Variants in DPP6 observed in about 807,000 individuals in gnomAD.
DPP6 encodes the protein dipeptidyl peptidase like 6.
DPP6 carries 69 observed loss-of-function variants against 122.6 expected under a neutral mutation model. That is an observed-to-expected ratio of 0.56 (90% CI 0.46 to 0.69). The LOEUF is 0.69. DPP6 is among the 30% of genes least tolerant of loss of function. The pLI, the probability that DPP6 is intolerant of heterozygous loss-of-function variation, is 0.00. For missense variants in DPP6, 928 were observed against 1,116.9 expected (o/e 0.83, Z 2.41); for synonymous variants, 418 against 433.1 (o/e 0.97, Z 0.43).
At chr7:153,819,972 A>G in the DPP6 span, among the ~76,000 whole-genome samples, 865 of 152,236 alleles carry the variant, frequency 5.7e-3, 6 homozygotes, top group African/African-American at 0.019. Context: ...AGCTAGGAAC[A>G]TTTTTCTTCA....
At chr7:154,590,273 G>A (rs543438371) in intron 5 of DPP6, among the ~76,000 whole-genome samples, 1 of 152,228 alleles carries the variant, frequency 6.6e-6, no homozygotes, top group South Asian at 2.1e-4. Context: ...TTGGGGTAGA[G>A]ATGATGCAAA....
intron 1 of DPP6, among the ~76,000 whole-genome samples, chr7:154,331,879 C>G (rs1245690609): frequency 6.6e-6 from 1 of 152,164 alleles, no homozygotes; most frequent in African/African-American, 2.4e-5. Flanking sequence ...CCAGGATGTT[C>G]TCTTCTTATG....
At chr7:153,952,193 G>A (rs1802250407) in intron 1 of DPP6, among the ~76,000 whole-genome samples, 1 of 152,194 alleles carries the variant, frequency 6.6e-6, no homozygotes, top group Admixed American at 6.5e-5. Flanking sequence ...TTTGTGAAAA[G>A]AATAGTGTTT....
chr7:154,063,762 C>T (rs1038234922), intron 1 of DPP6, among the ~76,000 whole-genome samples: 2 of 151,478 alleles, frequency 1.3e-5, no homozygotes, highest in East Asian at 2.0e-4. Flanking sequence ...CGTGGATCCT[C>T]AGATCCTTAG....
Position 154,892,337 on chromosome 7 carries a change from T to G in DPP6, c.2455T>G (p.Tyr819Asp), listed in dbSNP as rs1806685498. 1 of 1,613,910 alleles carries G rather than the reference T, an allele frequency of 6.2e-7. No homozygotes were observed. The highest frequency in any genetic ancestry group is 8.5e-7 in the Non-Finnish European group (1 of 1,179,898). ...RGKANYSLQI[Y>D]PDESHYFTSS... ...TTTCTCCGTGCCTTCCTTGCAGATTTACCCGGACGAAAGCCATTACTTTAC... is the reference window on the plus strand; with the variant it reads ...TTTCTCCGTGCCTTCCTTGCAGATTGACCCGGACGAAAGCCATTACTTTAC... Residue 819 changes from tyrosine (Y) to aspartate (D), a missense_variant, in exon 26 of 26, where the codon TAC becomes GAC. Physicochemically the swap from Tyr to Asp is radical, Grantham distance 160. Transcript: ENST00000377770.
chr7:154,327,953 A>G (rs1038725596), intron 1 of DPP6, among the ~76,000 whole-genome samples: 3 of 152,212 alleles, frequency 2.0e-5, no homozygotes, highest in East Asian at 3.8e-4. Flanking sequence ...ATGCATTACT[A>G]TGAGTAATTC....
At chr7:154,426,824 A>G (rs1034948795) in intron 1 of DPP6, among the ~76,000 whole-genome samples, 6 of 151,446 alleles carry the variant, frequency 4.0e-5, no homozygotes, top group African/African-American at 1.5e-4. Flanking sequence ...AAAAAAAAAA[A>G]AAAAAAACTG....
intron 1 of DPP6, among the ~76,000 whole-genome samples, chr7:154,445,950 G>C (rs1037042193): frequency 6.6e-6 from 1 of 152,196 alleles, no homozygotes; most frequent in Admixed American, 6.5e-5. Flanking sequence ...TTGCACAAAA[G>C]CTGCAAACAT....
chr7:154,748,657 C>T (rs1843153945), intron 8 of DPP6, among the ~76,000 whole-genome samples: 1 of 152,232 alleles, frequency 6.6e-6, no homozygotes, highest in Non-Finnish European at 1.5e-5. Context: ...TCTGGAGTTT[C>T]TCGCGCATGG....
At position 154,113,509 on chromosome 7, in the gene DPP6, G is replaced by C. The variant is rs547252656; in HGVS notation, c.243+60446G>C. 3.9e-5 allele frequency among the ~76,000 whole-genome samples: 6 copies of C among 152,106 alleles called. No individual in the cohort carries two copies. The South Asian group carries it at 1.2e-3, about 32-fold the overall frequency. ...TAGGTGTGAGGTGATACCTCTTTGT[G>C]GTTTTGATTTCATTTCCCTGATGGT... is the stretch of plus-strand genomic sequence containing the variant. On this transcript the variant is annotated intron_variant, in intron 1 of 25. Transcript: ENST00000377770.
At position 154,805,392 on chromosome 7, in the gene DPP6, T is replaced by C. The variant is rs75022409; in HGVS notation, c.1547+428T>C. 8.3e-3 allele frequency among the ~76,000 whole-genome samples: 1,271 copies of C among 152,242 alleles called. 15 individuals carry two copies. Among genetic ancestry groups the C allele is most frequent in the African/African-American group, 0.029 (1,196 of 41,540 alleles). On this transcript the variant is annotated intron_variant, in intron 15 of 25. Transcript: ENST00000377770. ...CGGCCCTGCTGTCCGGCATTGTAGC[T>C]CACTGGCTTTGGGGAACTCTGCCCT...
chr7:154,662,001 G>T (rs1430233759), intron 6 of DPP6, among the ~76,000 whole-genome samples: 1 of 149,644 alleles, frequency 6.7e-6, no homozygotes, highest in African/African-American at 2.5e-5. Context: ...TGTTCATATA[G>T]TCATGGTGAA....
chr7:154,224,351 A>G (rs1464041252), intron 1 of DPP6, among the ~76,000 whole-genome samples: 1 of 148,864 alleles, frequency 6.7e-6, no homozygotes, highest in Admixed American at 6.6e-5. Flanking sequence ...ATAATACAAT[A>G]AAATAAAATC....
At chr7:153,797,499 A>G in the DPP6 span, among the ~76,000 whole-genome samples, 27 of 152,310 alleles carry the variant, frequency 1.8e-4, no homozygotes, top group Admixed American at 1.7e-3. Flanking sequence ...AATATACTGT[A>G]GGAGGAAGTC....
At chr7:154,422,870 C>T (rs1237514930) in intron 1 of DPP6, among the ~76,000 whole-genome samples, 4 of 152,168 alleles carry the variant, frequency 2.6e-5, no homozygotes, top group African/African-American at 9.7e-5. Context: ...AGCAGGGTCT[C>T]CCAGCTGGCT....
At chr7:154,172,161 C>CCTGCCTGT (rs1414276141) in intron 1 of DPP6, among the ~76,000 whole-genome samples, 1 of 151,652 alleles carries the variant, frequency 6.6e-6, no homozygotes, top group Admixed American at 6.6e-5. Context: ...TGCCTGCCTG[C>CCTGCCTGT]CTGCCACAGG....
chr7:154,677,988 G>T (rs1372223163), intron 7 of DPP6, among the ~76,000 whole-genome samples: 1 of 152,232 alleles, frequency 6.6e-6, no homozygotes, highest in Admixed American at 6.5e-5. Flanking sequence ...CTAAAGGTTT[G>T]TAAACGCAGG....
chr7:154,675,319 C>T (rs1264708242), intron 7 of DPP6, among the ~76,000 whole-genome samples: 2 of 152,038 alleles, frequency 1.3e-5, no homozygotes, highest in African/African-American at 2.4e-5. Flanking sequence ...AACAAACCTA[C>T]ACGTTGTGAA....
chr7:154,557,117 T>A (rs1044859578), intron 4 of DPP6, among the ~76,000 whole-genome samples: 2 of 152,178 alleles, frequency 1.3e-5, no homozygotes, highest in African/African-American at 4.8e-5. Context: ...GTTTGTTGAT[T>A]TCAGGGAGAA....
Sources: allele counts gnomAD v4.1 joint callset (sites outside exome capture counted in the v4.1 genomes callset), GRCh38; gene constraint gnomAD v4.1.1; transcripts MANE v1.5; gene names NCBI Gene and HGNC (gene_info 2026-07-23, HGNC 2026-07-21).